The following CTNND2 variants were observed in gnomAD, a reference collection of about 807,000 sequenced individuals.
CTNND2 encodes catenin delta 2.
A neutral mutation model predicts 144.4 loss-of-function variants in CTNND2; 22 were observed. The ratio of observed to expected loss-of-function variants is 0.15; its 90% CI spans 0.11 to 0.22. CTNND2 has a LOEUF of 0.22. CTNND2 is among the 10% of genes least tolerant of loss of function. The probability of loss-of-function intolerance (pLI) is 1.00; values close to 1 mark genes in which losing one functional copy is unlikely to be tolerated. For synonymous variants in CTNND2, 751 were observed against 695.6 expected (o/e 1.08, Z -1.25); for missense variants, 1,353 against 1,618.8 (o/e 0.84, Z 2.82).
At chr5:11,481,981 A>G (rs548585449) in intron 3 of CTNND2, among the ~76,000 whole-genome samples, 1 of 152,252 alleles carries the variant, frequency 6.6e-6, no homozygotes, top group African/African-American at 2.4e-5. Flanking sequence ...AAAGAACAGC[A>G]CACAGCCTTG....
intron 1 of CTNND2, among the ~76,000 whole-genome samples, chr5:11,801,349 T>C (rs1414379895): frequency 6.6e-6 from 1 of 152,220 alleles, no homozygotes; most frequent in African/African-American, 2.4e-5. Flanking sequence ...ATCCGACTGA[T>C]GATACAGTTG....
At chr5:11,898,602 A>G (rs183452322) in intron 1 of CTNND2, among the ~76,000 whole-genome samples, 38 of 152,322 alleles carry the variant, frequency 2.5e-4, no homozygotes, top group Admixed American at 1.8e-3. Context: ...TAAACATCCT[A>G]TTTAGTAACA....
intron 11 of CTNND2, among the ~76,000 whole-genome samples, chr5:11,182,568 T>C (rs1319515341): frequency 2.0e-5 from 3 of 150,956 alleles, no homozygotes; most frequent in Non-Finnish European, 4.4e-5. Flanking sequence ...TTGCAGGTGA[T>C]TGCCCTCAAC....
intron 2 of CTNND2, 136 bp from the exon 3 acceptor site, chr5:11,565,192 A>G: frequency 1.5e-6 from 1 of 667,790 alleles, no homozygotes; most frequent in South Asian, 1.8e-5. Flanking sequence ...CAATAAAACT[A>G]GGATTCGAAG....
intron 3 of CTNND2, among the ~76,000 whole-genome samples, chr5:11,440,906 T>A (rs1764202607): frequency 6.6e-6 from 1 of 152,190 alleles, no homozygotes; most frequent in Non-Finnish European, 1.5e-5. Context: ...ACACATAATT[T>A]GAATATAATC....
Position 11,279,930 on chromosome 5 carries a change from T to C in CTNND2, c.1629-43107A>G, listed in dbSNP as rs189097266. Among the ~76,000 whole-genome samples, 554 of 152,270 alleles carry C rather than the reference T, an allele frequency of 3.6e-3. 3 individuals carry two copies. Among genetic ancestry groups the C allele is most frequent in the African/African-American group, 0.013 (523 of 41,544 alleles). ...CAAGAGGATGGTGCTAAACCATTCA[T>C]GAGAAATTTACCCCCATGATCCAGT... is the stretch of plus-strand genomic sequence containing the variant. On this transcript the variant is annotated intron_variant, in intron 9 of 21. Transcript: ENST00000304623.
chr5:11,363,830 G>C (rs1756694734), intron 8 of CTNND2, among the ~76,000 whole-genome samples: 1 of 152,192 alleles, frequency 6.6e-6, no homozygotes, highest in African/African-American at 2.4e-5. Flanking sequence ...CTGAAGCAGA[G>C]AGCCAGCTCT....
At chr5:11,040,144 G>A (rs1049124064) in intron 16 of CTNND2, among the ~76,000 whole-genome samples, 5 of 152,142 alleles carry the variant, frequency 3.3e-5, no homozygotes, top group African/African-American at 1.2e-4. Flanking sequence ...TACTCAGGAG[G>A]CTGAGGCAGG....
intron 18 of CTNND2, among the ~76,000 whole-genome samples, chr5:10,999,184 T>G (rs1176312541): frequency 2.6e-5 from 4 of 152,256 alleles, no homozygotes; most frequent in Admixed American, 2.6e-4. Context: ...ATTCCTTCTA[T>G]TCCACTAGCC....
intron 1 of CTNND2, among the ~76,000 whole-genome samples, chr5:11,754,380 T>C (rs1309842209): frequency 2.6e-5 from 4 of 151,444 alleles, no homozygotes; most frequent in African/African-American, 9.7e-5. Context: ...TTTATCTTTG[T>C]TCTCATCACT....
intron 3 of CTNND2, among the ~76,000 whole-genome samples, chr5:11,429,675 C>T (rs758680978): frequency 3.3e-5 from 5 of 152,178 alleles, no homozygotes; most frequent in Non-Finnish European, 5.9e-5. Context: ...CGATACATTG[C>T]TCTAACAAGC....
chr5:11,064,736 G>A (rs1418374390), intron 16 of CTNND2, among the ~76,000 whole-genome samples: 4 of 152,168 alleles, frequency 2.6e-5, no homozygotes, highest in Non-Finnish European at 5.9e-5. Flanking sequence ...GCAAAACGGA[G>A]ATATAGTTAT....
chr5:10,972,991 C>G lies in CTNND2; in HGVS notation c.*462G>C, dbSNP rs1250843426. ...TGCATTAACAAAAGGCAAGAAACAT[C>G]TTGCTGTACAGAGGAACCCCAATGC... On this transcript the variant is annotated 3_prime_UTR_variant, in exon 22 of 22. Transcript: ENST00000304623. 6.5e-6 allele frequency: 1 copy of G among 154,270 alleles called. No homozygotes were observed. Among genetic ancestry groups the G allele is most frequent in the Non-Finnish European group, 1.4e-5 (1 of 69,214 alleles). 9.6% of individuals were successfully genotyped at this position (154,270 alleles called of 1,614,324 possible).
chr5:11,417,632 T>A (rs908639036), intron 3 of CTNND2, among the ~76,000 whole-genome samples: 2 of 152,116 alleles, frequency 1.3e-5, no homozygotes, highest in African/African-American at 4.8e-5. Context: ...TGTCCAAAAA[T>A]TTGAAAGCCT....
intron 1 of CTNND2, among the ~76,000 whole-genome samples, chr5:11,843,126 T>C (rs1794560390): frequency 6.6e-6 from 1 of 152,198 alleles, no homozygotes; most frequent in South Asian, 2.1e-4. Context: ...CATCATTGAA[T>C]AGGACACTTA....
intron 3 of CTNND2, among the ~76,000 whole-genome samples, chr5:11,488,091 C>A (rs934904538): frequency 6.6e-6 from 1 of 152,202 alleles, no homozygotes; most frequent in African/African-American, 2.4e-5. Context: ...AACCTCATAT[C>A]CCAGCCTACT....
intron 12 of CTNND2, among the ~76,000 whole-genome samples, chr5:11,151,343 T>C (rs1426900385): frequency 6.6e-6 from 1 of 152,182 alleles, no homozygotes; most frequent in Non-Finnish European, 1.5e-5. Flanking sequence ...GGAAGAAAAA[T>C]TACATTTTTA....
At chr5:11,646,530 T>C (rs1474599741) in intron 2 of CTNND2, among the ~76,000 whole-genome samples, 3 of 152,210 alleles carry the variant, frequency 2.0e-5, no homozygotes, top group Non-Finnish European at 4.4e-5. Flanking sequence ...GTGGAACAAT[T>C]CACAGGCTAA....
At chr5:11,652,940 A>C (rs910378193) in intron 2 of CTNND2, among the ~76,000 whole-genome samples, 1 of 152,136 alleles carries the variant, frequency 6.6e-6, no homozygotes, top group African/African-American at 2.4e-5. Flanking sequence ...ATTTCTTTAA[A>C]TTACACATAT....
Sources: allele counts gnomAD v4.1 joint callset (sites outside exome capture counted in the v4.1 genomes callset), GRCh38; gene constraint gnomAD v4.1.1; transcripts MANE v1.5; gene names NCBI Gene and HGNC (gene_info 2026-07-23, HGNC 2026-07-21).